The following FRMD4B variants were observed in gnomAD, a reference collection of about 807,000 sequenced individuals.
The protein encoded by FRMD4B is FERM domain-containing protein 4B.
Under a neutral mutation model 141.5 loss-of-function variants are expected in FRMD4B, and 74 were observed. The ratio of observed to expected loss-of-function variants is 0.52; its 90% CI spans 0.43 to 0.63. The LOEUF is 0.63. Among genes scored for constraint, FRMD4B ranks in the 30% least tolerant of loss-of-function variants. The probability of loss-of-function intolerance (pLI) is 0.00; values close to 1 mark genes in which losing one functional copy is unlikely to be tolerated. For missense variants in FRMD4B, 1,366 were observed against 1,253.4 expected (o/e 1.09, Z -1.36); for synonymous variants, 506 against 467.9 (o/e 1.08, Z -1.05).
At chr3:69,203,091 A>T (rs2092985740) in intron 11 of FRMD4B, among the ~76,000 whole-genome samples, 1 of 151,998 alleles carries the variant, frequency 6.6e-6, no homozygotes. Context: ...AAGTAAAAAA[A>T]AAAAAAAGTG....
At chr3:69,304,394 G>T (rs1701319754) in intron 3 of FRMD4B, among the ~76,000 whole-genome samples, 1 of 145,778 alleles carries the variant, frequency 6.9e-6, no homozygotes, top group African/African-American at 2.5e-5. Flanking sequence ...TGAGGCAGGA[G>T]AATCACTTGA....
At chr3:69,378,193 T>A (rs1704024146) in intron 1 of FRMD4B, among the ~76,000 whole-genome samples, 1 of 152,070 alleles carries the variant, frequency 6.6e-6, no homozygotes, top group Non-Finnish European at 1.5e-5. Context: ...TAATCTCCAT[T>A]TCAGAGTCTG....
intron 5 of FRMD4B, among the ~76,000 whole-genome samples, chr3:69,251,853 ATT>A (rs2093465330): frequency 6.6e-6 from 1 of 152,236 alleles, no homozygotes; most frequent in Admixed American, 6.5e-5. Context: ...TAAAGATTAA[ATT>A]TTAGAAAGGC....
rs11293743 is a variant in FRMD4B, at chr3:69,222,467, CAAAA to C, written c.666-548_666-545del. On this transcript the variant is annotated intron_variant, in intron 8 of 22. Coordinates refer to ENST00000398540, the MANE Select transcript of FRMD4B (RefSeq NM_015123.3). Reference sequence around the variant, plus strand: ...AGGTGACAAGAGTGAAAATCCATCTCAAAAAAAAAAAAAAAAAAAAGACTTAAAG... The same window carrying C: ...AGGTGACAAGAGTGAAAATCCATCTCAAAAAAAAAAAAAAAAGACTTAAAG... Among the ~76,000 whole-genome samples, 35 of 95,006 alleles carry C rather than the reference CAAAA, an allele frequency of 3.7e-4. No homozygotes were observed. In the East Asian group the frequency reaches 0.011, roughly 31 times the overall value. 62.3% of individuals were successfully genotyped at this position (95,006 alleles called of 152,430 possible).
At chr3:69,272,885 A>C (rs565061067) in intron 5 of FRMD4B, among the ~76,000 whole-genome samples, 1 of 152,230 alleles carries the variant, frequency 6.6e-6, no homozygotes, top group Non-Finnish European at 1.5e-5. Context: ...TACTTTAAAA[A>C]AGTCTCTTTG....
chr3:69,401,194 C>G (rs1258047376), intron 2 of FRMD4B, among the ~76,000 whole-genome samples: 2 of 152,136 alleles, frequency 1.3e-5, no homozygotes, highest in Non-Finnish European at 2.9e-5. Flanking sequence ...AATGCACAAT[C>G]ACTGAAATAT....
chr3:69,169,295 G>A lies in FRMD4B; in HGVS notation c.*2566C>T, dbSNP rs2092563614. On this transcript the variant is annotated 3_prime_UTR_variant, in exon 23 of 23. Transcript: ENST00000398540. ...TTTAATACCAATGCGGTTGAGAAAT[G>A]TTTTTCAAAAGAGACGAAGAAAACC... 6.8e-6 allele frequency among the ~76,000 whole-genome samples: 1 copy of A among 147,224 alleles called. No homozygotes were observed. Among genetic ancestry groups the A allele is most frequent in the South Asian group, 2.2e-4 (1 of 4,648 alleles).
intron 2 of FRMD4B, among the ~76,000 whole-genome samples, chr3:69,412,984 C>CT (rs1347397014): frequency 6.6e-6 from 1 of 151,564 alleles, no homozygotes; most frequent in African/African-American, 2.4e-5. Context: ...CGATGGGTCT[C>CT]TGAGTTATCA....
chr3:69,406,358 G>C (rs1704649749), intron 2 of FRMD4B, among the ~76,000 whole-genome samples: 1 of 152,192 alleles, frequency 6.6e-6, no homozygotes, highest in African/African-American at 2.4e-5. Context: ...ACTGTGCAAG[G>C]CTCTAACGAG....
At chr3:69,532,462 A>G (rs1289176092) in intron 1 of FRMD4B, among the ~76,000 whole-genome samples, 1 of 152,214 alleles carries the variant, frequency 6.6e-6, no homozygotes, top group African/African-American at 2.4e-5. Flanking sequence ...CTGGTTGTTC[A>G]TAGCATAAAT....
intron 1 of FRMD4B, among the ~76,000 whole-genome samples, chr3:69,461,623 C>CAAAAAAAAAAAAAAAA (rs58143332): frequency 6.9e-5 from 3 of 43,464 alleles, no homozygotes; most frequent in Non-Finnish European, 1.2e-4. Flanking sequence ...GACTCTGTCT[C>CAAAAAAAAAAAAAAAA]AAAAAAAAAA....
chr3:69,438,779 C>A (rs1382469051), intron 1 of FRMD4B, among the ~76,000 whole-genome samples: 1 of 152,148 alleles, frequency 6.6e-6, no homozygotes, highest in Non-Finnish European at 1.5e-5. Context: ...CCTCACCCTT[C>A]CACTCATCCC....
At chr3:69,373,414 G>C (rs1703882883) in intron 1 of FRMD4B, among the ~76,000 whole-genome samples, 1 of 152,192 alleles carries the variant, frequency 6.6e-6, no homozygotes, top group Admixed American at 6.5e-5. Context: ...ACACATCTAA[G>C]CTCCAATCTT....
At chr3:69,253,699 A>C (rs2106805453) in intron 5 of FRMD4B, among the ~76,000 whole-genome samples, 1 of 152,352 alleles carries the variant, frequency 6.6e-6, no homozygotes, top group South Asian at 2.1e-4. Flanking sequence ...GTAGAACACC[A>C]ACAAATAAAT....
chr3:69,510,025 A>T (rs1706664796), intron 1 of FRMD4B, among the ~76,000 whole-genome samples: 1 of 151,826 alleles, frequency 6.6e-6, no homozygotes, highest in Admixed American at 6.6e-5. Flanking sequence ...GCAATATTTA[A>T]CACTCACTTT....
At chr3:69,287,962 C>A (rs1015089479) in intron 4 of FRMD4B, 126 bp from the exon 5 acceptor site, 2 of 583,640 alleles carry the variant, frequency 3.4e-6, no homozygotes, top group Non-Finnish European at 6.1e-6. Context: ...CTTTCTTTTC[C>A]GTTTTAAAAG....
chr3:69,195,141 C>T lies in FRMD4B; in HGVS notation c.1369G>A (p.Glu457Lys). ...ELKKICLREA[E>K]LTGKMPKEYP... ...TCCTTTGGCATTTTGCCTGTGAGCTCCTGTAAAACAGGACAGAATCAAGAG... is the reference window on the plus strand; with the variant it reads ...TCCTTTGGCATTTTGCCTGTGAGCTTCTGTAAAACAGGACAGAATCAAGAG... Residue 457 changes from glutamate (E) to lysine (K), a missense_variant and splice_region_variant, in exon 16 of 23, where the codon GAG becomes AAG. Coordinates refer to ENST00000398540, the MANE Select transcript of FRMD4B (RefSeq NM_015123.3). The T allele has an allele frequency of 6.2e-7, 1 of 1,613,970 alleles. No homozygotes were observed. Among genetic ancestry groups the T allele is most frequent in the Non-Finnish European group, 8.5e-7 (1 of 1,179,876 alleles).
chr3:69,226,059 A>G (rs950078358), intron 7 of FRMD4B, among the ~76,000 whole-genome samples: 2 of 152,176 alleles, frequency 1.3e-5, no homozygotes, highest in Admixed American at 6.5e-5. Context: ...TACTATTATT[A>G]TCTATTTAAG....
chr3:69,480,667 C>G (rs1394665777), intron 1 of FRMD4B, among the ~76,000 whole-genome samples: 1 of 152,160 alleles, frequency 6.6e-6, no homozygotes, highest in African/African-American at 2.4e-5. Flanking sequence ...GGTCAGGGAC[C>G]CACTTGAGGA....
Sources: allele counts gnomAD v4.1 joint callset (sites outside exome capture counted in the v4.1 genomes callset), GRCh38; gene constraint gnomAD v4.1.1; transcripts MANE v1.5; gene names NCBI Gene and HGNC (gene_info 2026-07-23, HGNC 2026-07-21).